The following PPP1CC variants were observed in gnomAD, a reference collection of about 807,000 sequenced individuals.
PPP1CC encodes serine/threonine-protein phosphatase PP1-gamma catalytic subunit.
Under a neutral mutation model 38.4 loss-of-function variants are expected in PPP1CC, and 16 were observed. The observed-to-expected ratio is 0.42, with a 90% CI of 0.28 to 0.63. The LOEUF (loss-of-function observed/expected upper bound fraction) is 0.63, where lower values mean the gene tolerates loss of function less well. Among genes scored for constraint, PPP1CC ranks in the 30% least tolerant of loss-of-function variants. PPP1CC has a pLI of 0.25. For missense variants in PPP1CC, 170 were observed against 391.3 expected, an observed-to-expected ratio of 0.43 and a Z score of 4.77; for synonymous variants, 158 against 136.0, an observed-to-expected ratio of 1.16 and a Z score of -1.13.
chr12:110,730,482 A>C, intron 3 of PPP1CC, 47 bp downstream of exon 3: 1 of 1,364,544 alleles, frequency 7.3e-7, no homozygotes, highest in Non-Finnish European at 1.0e-6. Context: ...TTTATGATAA[A>C]TATCTTAATT....
chr12:110,742,682 A>G lies in PPP1CC; in HGVS notation c.26T>C (p.Ile9Thr). 1 of 1,464,582 alleles carries G rather than the reference A, an allele frequency of 6.8e-7. No individual in the cohort carries two copies. The highest frequency in any genetic ancestry group is 9.1e-7 in the Non-Finnish European group (1 of 1,100,240). The allele number at this position is 1,464,582 out of a possible 1,614,324, so 90.7% of individuals were successfully genotyped here. Residue 9 changes from isoleucine to threonine, a missense_variant, in exon 1 of 7, where the codon ATC becomes ACC. By Grantham distance (89) the Ile-to-Thr change is moderately conservative. Coordinates refer to ENST00000335007, the MANE Select transcript of PPP1CC (RefSeq NM_002710.4). ...CAGCAGCCGTTGGATAATGCTGTCG[A>G]TGTTGAGTTTATCTAAATCCGCCAT... is the stretch of plus-strand genomic sequence containing the variant. MADLDKLN[I>T]DSIIQRLLEV...
chr12:110,730,185 C>G (rs1211743909), intron 3 of PPP1CC, among the ~76,000 whole-genome samples: 1 of 152,212 alleles, frequency 6.6e-6, no homozygotes, highest in Non-Finnish European at 1.5e-5. Flanking sequence ...AGGTGAAACC[C>G]CATCTCTTCA....
chr12:110,713,621 T>G, the PPP1CC span, among the ~76,000 whole-genome samples: 1 of 152,170 alleles, frequency 6.6e-6, no homozygotes, highest in African/African-American at 2.4e-5. Context: ...TTTCAATCTT[T>G]GGAGGTGGAA....
chr12:110,717,688 G>A (rs1326400688), downstream of PPP1CC, among the ~76,000 whole-genome samples: 1 of 152,092 alleles, frequency 6.6e-6, no homozygotes, highest in Non-Finnish European at 1.5e-5. Flanking sequence ...GAGCCACCAT[G>A]CCCGGCCTCA....
chr12:110,720,938 C>A lies in PPP1CC; in HGVS notation c.*138G>T. ...TGTTATAACCAGCAAATGCCATTCA[C>A]TAAATCAAAAATGGAAGGAAGGGCC... On this transcript the variant is annotated 3_prime_UTR_variant, in exon 7 of 7. Coordinates refer to ENST00000335007, the MANE Select transcript of PPP1CC (RefSeq NM_002710.4). 1 of 639,496 alleles carries A rather than the reference C, an allele frequency of 1.6e-6. No individual in the cohort carries two copies. The highest frequency in any genetic ancestry group is 2.7e-6 in the Non-Finnish European group (1 of 376,786). 39.6% of individuals were successfully genotyped at this position (639,496 alleles called of 1,614,324 possible). A position where few individuals can be genotyped will look rare whatever the true frequency, so the allele number is the denominator to read the frequency against.
chr12:110,712,837 C>T, the PPP1CC span, among the ~76,000 whole-genome samples: 1 of 151,580 alleles, frequency 6.6e-6, no homozygotes, highest in Admixed American at 6.6e-5. Flanking sequence ...TTTGTGAGGG[C>T]AAGGCGGGTG....
rs372591164 is a variant in PPP1CC at position 110,738,456 on chromosome 12, G to A, written c.55+4197C>T. Among the ~76,000 whole-genome samples the A allele has an allele frequency of 2.6e-4, 40 of 152,218 alleles. 1 individual carries two copies. Among genetic ancestry groups the A allele is most frequent in the African/African-American group, 8.7e-4 (36 of 41,512 alleles). ...CCTCAATTGTAAATTAAGTTAAATG[G>A]TGAAGTCCACATAACATCAATAATT... On this transcript the variant is annotated intron_variant, in intron 1 of 6. Coordinates refer to ENST00000335007, the MANE Select transcript of PPP1CC (RefSeq NM_002710.4).
At position 110,720,800 on chromosome 12, in the gene PPP1CC, A is replaced by G. The variant is rs1380283457; in HGVS notation, c.*276T>C. The G allele has an allele frequency of 3.4e-6, 1 of 296,940 alleles. No homozygotes were observed. The highest frequency in any genetic ancestry group is 2.2e-5 in the African/African-American group (1 of 45,818). The allele number at this position is 296,940 out of a possible 1,614,324, so 18.4% of individuals were successfully genotyped here. On this transcript the variant is annotated 3_prime_UTR_variant, in exon 7 of 7. Transcript: ENST00000335007. ...TGTACACTTACTCCTCAGACAGGAT[A>G]AACTGTCCTGGGGTGTACAGCTTTA...
intron 4 of PPP1CC, among the ~76,000 whole-genome samples, chr12:110,723,722 C>A (rs1402104140): frequency 6.6e-6 from 1 of 152,108 alleles, no homozygotes; most frequent in Non-Finnish European, 1.5e-5. Context: ...ATGTTATAGG[C>A]TGTTCTCATA....
Position 110,724,663 on chromosome 12 carries a change from C to A in PPP1CC, c.520G>T (p.Gly174Ter). Residue 174 changes from glycine to a stop codon, truncating the protein, a stop_gained, in exon 4 of 7, where the codon GGA becomes TGA. Coordinates refer to ENST00000335007, the MANE Select transcript of PPP1CC (RefSeq NM_002710.4). LOFTEE classifies it high-confidence loss of function. ...GAACAAAAATCAGCCCACCTACCTCCATGACAGCAGAATATCTTCTCATCC... is the reference window on the plus strand; with the variant it reads ...GAACAAAAATCAGCCCACCTACCTCAATGACAGCAGAATATCTTCTCATCC... ...IVDEKIFCCH[G>*]GLSPDLQSME... 1.2e-6 allele frequency: 2 copies of A among 1,607,176 alleles called. No individual in the cohort carries two copies. The highest frequency in any genetic ancestry group is 2.2e-5 in the South Asian group (2 of 90,900).
At position 110,721,007 on chromosome 12, in the gene PPP1CC, T is replaced by C. The variant is rs2069732461; in HGVS notation, c.*69A>G. 7.1e-7 allele frequency: 1 copy of C among 1,405,908 alleles called. No homozygotes were observed. The highest frequency in any genetic ancestry group is 1.0e-6 in the Non-Finnish European group (1 of 993,100). 87.1% of individuals were successfully genotyped at this position (1,405,908 alleles called of 1,614,324 possible). A position where few individuals can be genotyped will look rare whatever the true frequency, so the allele number is the denominator to read the frequency against. ...TCTGAGCAAGCTGACCAGTACACAT[T>C]ACAGTCTTAAAAATGAAGGTTATAT... On this transcript the variant is annotated 3_prime_UTR_variant, in exon 7 of 7. Coordinates refer to ENST00000335007, the MANE Select transcript of PPP1CC (RefSeq NM_002710.4).
Position 110,722,301 on chromosome 12 carries a change from G to C in PPP1CC, c.748-32C>G. The C allele has an allele frequency of 6.2e-7, 1 of 1,606,808 alleles. No homozygotes were observed. Among genetic ancestry groups the C allele is most frequent in the Non-Finnish European group, 8.5e-7 (1 of 1,174,398 alleles). ...GAGAAAATTTTTTCAATATAAATAG[G>C]TGCAAATATTAGGTGAGTAAAACCA... On this transcript the variant is annotated intron_variant, in intron 5 of 6. Coordinates refer to ENST00000335007, the MANE Select transcript of PPP1CC (RefSeq NM_002710.4). This position sits in a 1 kb window ranked among gnomAD's most constrained non-coding sequence, Gnocchi z 5.4.
In PPP1CC at chr12:110,720,185, C is replaced by T. The variant is rs367543175; in HGVS notation, c.*891G>A. The T allele has an allele frequency of 6.0e-5, 93 of 1,553,478 alleles. 1 individual carries two copies. The Admixed American group carries it at 7.1e-4, about 12-fold the overall frequency. On this transcript the variant is annotated 3_prime_UTR_variant, in exon 7 of 7. Transcript: ENST00000335007. ...TATAATTTGAAGCTTTCTGAATGGA[C>T]GGGTTCAGGCCTGATGCAACTGTAA...
At chr12:110,737,161 G>A (rs1343942003) in intron 1 of PPP1CC, among the ~76,000 whole-genome samples, 1 of 152,166 alleles carries the variant, frequency 6.6e-6, no homozygotes, top group Non-Finnish European at 1.5e-5. Context: ...TCTGCAAAAA[G>A]TATAAACCAC....
chr12:110,738,683 A>C (rs2069975904), intron 1 of PPP1CC, among the ~76,000 whole-genome samples: 1 of 152,206 alleles, frequency 6.6e-6, no homozygotes, highest in Non-Finnish European at 1.5e-5. Flanking sequence ...TAGGCTCAGA[A>C]TGCAGAGCGC....
Position 110,721,071 on chromosome 12 carries a change from G to A in PPP1CC, c.*5C>T, listed in dbSNP as rs199942831. ...AGTCCCGACTAGGCAGTGTCAAAAC[G>A]ACATCTATTTCTTTGCTTGCTTTGT... On this transcript the variant is annotated 3_prime_UTR_variant, in exon 7 of 7. Transcript: ENST00000335007. The A allele has an allele frequency of 2.2e-4, 360 of 1,613,002 alleles. 1 individual carries two copies. Among genetic ancestry groups the A allele is most frequent in the Non-Finnish European group, 5.3e-5 (63 of 1,179,180 alleles).
chr12:110,721,986 T>C (rs2069744025), intron 6 of PPP1CC, 149 bp downstream of exon 6: 3 of 843,312 alleles, frequency 3.6e-6, no homozygotes, highest in Non-Finnish European at 5.2e-6. Flanking sequence ...ATCCACACAT[T>C]ATTCAACTAT....
At chr12:110,733,731 T>C (rs553888761) in intron 1 of PPP1CC, among the ~76,000 whole-genome samples, 11 of 152,272 alleles carry the variant, frequency 7.2e-5, no homozygotes, top group Admixed American at 6.5e-4. Context: ...CCTCTTGCTC[T>C]GGCCCCCCAA....
At chr12:110,730,913 C>T (rs1003981271) in intron 2 of PPP1CC, among the ~76,000 whole-genome samples, 154 bp from the exon 3 acceptor site, 1 of 152,142 alleles carries the variant, frequency 6.6e-6, no homozygotes, top group Non-Finnish European at 1.5e-5. Flanking sequence ...AAGTAATTTC[C>T]AATCTTATAT....
Sources: allele counts gnomAD v4.1 joint callset (sites outside exome capture counted in the v4.1 genomes callset), GRCh38; gene constraint gnomAD v4.1.1; non-coding constraint Gnocchi (gnomAD v3.1); transcripts MANE v1.5; gene names NCBI Gene and HGNC (gene_info 2026-07-23, HGNC 2026-07-21).